Variants in TNC observed in about 807,000 individuals in gnomAD.
TNC encodes the protein tenascin.
TNC carries 109 observed loss-of-function variants against 202.4 expected under a neutral mutation model. The ratio of observed to expected loss-of-function variants is 0.54; its 90% CI spans 0.46 to 0.63. The LOEUF (loss-of-function observed/expected upper bound fraction) is 0.63. TNC is among the 30% of genes least tolerant of loss of function. The pLI is 0.00. For missense variants in TNC, 2,756 were observed against 2,833.3 expected (o/e 0.97, Z 0.62); for synonymous variants, 1,007 against 1,089.7 (o/e 0.92, Z 1.50).
Position 115,086,151 on chromosome 9 carries a change from C to G in TNC, c.1580G>C (p.Cys527Ser), listed in dbSNP as rs746843738. The G allele has an allele frequency of 1.2e-5, 19 of 1,614,108 alleles. No individual in the cohort carries two copies. The Middle Eastern group carries it at 4.9e-4, about 42-fold the overall frequency. Reference protein sequence around the residue: ...VCEDGFTGPDCAELSCPNDCH... With the variant: ...VCEDGFTGPDSAELSCPNDCH... Reference sequence around the variant, plus strand: ...GTCATTTGGACAGGAGAGTTCTGCACAGTCAGGGCCGGTGAAGCCGTCCTC... The same window carrying G: ...GTCATTTGGACAGGAGAGTTCTGCAGAGTCAGGGCCGGTGAAGCCGTCCTC... Residue 527 changes from cysteine to serine, a missense_variant, in exon 3 of 28, where the codon TGT (cysteine) becomes TCT (serine). Cys to Ser is a moderately radical substitution (Grantham distance 112). This residue lies in a region of TNC where 2,559 missense variants were observed against 2,546.0 expected (regional missense o/e 1.01). Transcript: ENST00000350763.
At position 115,095,588 on chromosome 9, in the gene TNC, ATATATATGTATATATATATG is replaced by A. The variant is rs1564139025; in HGVS notation, c.-136-4454_-136-4435del. Reference sequence around the variant, plus strand: ...TATGTATATATATGTATATATATGTATATATATGTATATATATATGTATATATGTATATATATATGTATAT... The same window carrying A: ...TATGTATATATATGTATATATATGTATATATATGTATATATATATGTATAT... On this transcript the variant is annotated intron_variant, in intron 1 of 27. Coordinates refer to ENST00000350763, the MANE Select transcript of TNC (RefSeq NM_002160.4). Among the ~76,000 whole-genome samples the A allele has an allele frequency of 1.1e-3, 4 of 3,644 alleles. 1 individual carries two copies. The highest frequency in any genetic ancestry group is 1.7e-3 in the African/African-American group (4 of 2,388). 2.4% of individuals were successfully genotyped at this position (3,644 alleles called of 152,430 possible). A position where few individuals can be genotyped will look rare whatever the true frequency, so the allele number is the denominator to read the frequency against.
At chr9:115,045,541 A>ATTTTTTTTTTTT (rs61415443) in intron 17 of TNC, among the ~76,000 whole-genome samples, 1 of 110,116 alleles carries the variant, frequency 9.1e-6, no homozygotes. Flanking sequence ...TAAGTTTTTG[A>ATTTTTTTTTTTT]TTTTTTTTTT....
intron 15 of TNC, among the ~76,000 whole-genome samples, chr9:115,055,948 G>GT (rs145688808): frequency 1.3e-5 from 2 of 152,086 alleles, no homozygotes; most frequent in Non-Finnish European, 2.9e-5. Flanking sequence ...TCTCCTCTAA[G>GT]TTTTTTTATA....
At chr9:115,101,701 G>A (rs535065970) in intron 1 of TNC, among the ~76,000 whole-genome samples, 7 of 152,108 alleles carry the variant, frequency 4.6e-5, no homozygotes, top group Non-Finnish European at 8.8e-5. Flanking sequence ...TGGAAAATAG[G>A]CCAAGTAAGG....
At chr9:115,041,660 G>A (rs1830767228) in intron 18 of TNC, among the ~76,000 whole-genome samples, 1 of 152,214 alleles carries the variant, frequency 6.6e-6, no homozygotes, top group Non-Finnish European at 1.5e-5. Flanking sequence ...CCTGTGAAGA[G>A]GTTATTAACC....
intron 1 of TNC, among the ~76,000 whole-genome samples, chr9:115,111,916 ATCAACCCT>A (rs1303395596): frequency 5.9e-5 from 9 of 152,172 alleles, no homozygotes; most frequent in Non-Finnish European, 1.3e-4. Context: ...TAGATGAGAC[ATCAACCCT>A]GTCCAACACA....
chr9:115,033,006 G>A (rs1001679304), intron 22 of TNC, among the ~76,000 whole-genome samples: 1 of 152,162 alleles, frequency 6.6e-6, no homozygotes, highest in Non-Finnish European at 1.5e-5. Flanking sequence ...AGCTTAGTTT[G>A]GGCAGTCATG....
At chr9:115,079,944 A>G (rs551396386) in intron 6 of TNC, among the ~76,000 whole-genome samples, 2 of 152,356 alleles carry the variant, frequency 1.3e-5, no homozygotes, top group East Asian at 3.9e-4. Context: ...AAAAGGTTAA[A>G]GGTTTAAAGG....
chr9:115,114,607 A>C (rs1225455507), intron 1 of TNC, among the ~76,000 whole-genome samples: 1 of 152,214 alleles, frequency 6.6e-6, no homozygotes, highest in Non-Finnish European at 1.5e-5. Flanking sequence ...TGTAAAATCA[A>C]TAGGCACCAA....
intron 19 of TNC, among the ~76,000 whole-genome samples, chr9:115,039,090 A>G (rs1389209052): frequency 6.6e-6 from 1 of 152,168 alleles, no homozygotes; most frequent in Admixed American, 6.5e-5. Context: ...TTGGCCTCCC[A>G]AAGTGCTGGG....
At position 115,078,002 on chromosome 9, in the gene TNC, G is replaced by A; in HGVS notation, c.2615C>T (p.Ser872Phe). 2 of 1,614,216 alleles carry A rather than the reference G, an allele frequency of 1.2e-6. No homozygotes were observed. The highest frequency in any genetic ancestry group is 1.7e-6 in the Non-Finnish European group (2 of 1,180,028). ...NLKPDTEYEV[S>F]LISRRGDMSS... ...CATGTCACCTCTGCGGGAGATGAGG[G>A]ACACCTCGTACTCAGTGTCAGGCTT... is the stretch of plus-strand genomic sequence containing the variant. The change falls in exon 7 of 28, where the codon TCC becomes TTC. Residue 872 changes from serine to phenylalanine, a missense_variant. This residue lies in a region of TNC where 2,559 missense variants were observed against 2,546.0 expected (regional missense o/e 1.01). Coordinates refer to ENST00000350763, the MANE Select transcript of TNC (RefSeq NM_002160.4).
intron 1 of TNC, among the ~76,000 whole-genome samples, chr9:115,101,088 A>G (rs751642358): frequency 3.9e-5 from 6 of 152,190 alleles, no homozygotes; most frequent in Non-Finnish European, 1.5e-5. Flanking sequence ...TCATCCAACT[A>G]TCTACTTTTT....
chr9:115,078,017 G>A lies in TNC; in HGVS notation c.2600C>T (p.Thr867Ile), dbSNP rs779190421. Residue 867 changes from threonine (T) to isoleucine (I), a missense_variant, in exon 7 of 28, where the codon ACT becomes ATT. Transcript: ENST00000350763. The part of the protein sequence containing the change: ...QYSIGNLKPD[T>I]EYEVSLISRR... ...GGAGATGAGGGACACCTCGTACTCAGTGTCAGGCTTCAGGTTCCCGATGGA... is the reference window on the plus strand; with the variant it reads ...GGAGATGAGGGACACCTCGTACTCAATGTCAGGCTTCAGGTTCCCGATGGA... 1.1e-5 allele frequency: 18 copies of A among 1,614,134 alleles called. No homozygotes were observed. The highest frequency in any genetic ancestry group is 2.2e-5 in the East Asian group (1 of 44,900).
chr9:115,033,813 A>G (rs1830122356), intron 22 of TNC, among the ~76,000 whole-genome samples: 2 of 152,230 alleles, frequency 1.3e-5, no homozygotes, highest in Admixed American at 6.5e-5. Flanking sequence ...GGTGTGCCAG[A>G]AACTTGGTAG....
intron 18 of TNC, among the ~76,000 whole-genome samples, chr9:115,041,611 A>T (rs920993878): frequency 6.6e-6 from 1 of 152,234 alleles, no homozygotes; most frequent in Non-Finnish European, 1.5e-5. Context: ...GAACTTGCAC[A>T]TCAGCTGGTC....
rs868118774 is a variant in TNC, at chr9:115,064,060, G to C, written c.3496C>G (p.Pro1166Ala). Residue 1166 changes from proline (P) to alanine (A), a missense_variant, in exon 12 of 28, where the codon CCC (proline) becomes GCC (alanine). Physicochemically the swap from Pro to Ala is conservative, Grantham distance 27. Transcript: ENST00000350763. Reference sequence around the variant, plus strand: ...GCCACCACGACCTCTCCCAAATTGGGAGTTTCCCCTGGAGAAGGACAAAGA... The same window carrying C: ...GCCACCACGACCTCTCCCAAATTGGCAGTTTCCCCTGGAGAAGGACAAAGA... ...LSAEASTGETPNLGEVVVAEV... is the reference protein window; with the variant it reads ...LSAEASTGETANLGEVVVAEV... The C allele has an allele frequency of 6.2e-7, 1 of 1,605,506 alleles. No homozygotes were observed.
chr9:115,070,794 A>C (rs192956557), intron 10 of TNC, among the ~76,000 whole-genome samples: 33 of 152,356 alleles, frequency 2.2e-4, no homozygotes, highest in Admixed American at 1.6e-3. Context: ...TTCAGGACTT[A>C]TAGCCACATG....
intron 13 of TNC, among the ~76,000 whole-genome samples, chr9:115,062,517 G>A (rs1188070856): frequency 6.6e-6 from 1 of 151,654 alleles, no homozygotes; most frequent in Admixed American, 6.6e-5. Context: ...GCTGAGGCAG[G>A]AGAATCACTT....
rs188342631 is a variant in TNC, at chr9:115,090,691, C to T, written c.328G>A (p.Ala110Thr). 1.2e-6 allele frequency: 2 copies of T among 1,614,162 alleles called. No homozygotes were observed. The highest frequency in any genetic ancestry group is 1.1e-5 in the South Asian group (1 of 91,084). The change falls in exon 2 of 28, where the codon GCC (alanine) becomes ACC (threonine). Residue 110 changes from alanine to threonine, a missense_variant. Transcript: ENST00000350763. ...FTHRINIPRR[A>T]CGCAAAPDVK... ...TCAGGGGCTGCGGCACAGCCACAGGCCCGGCGGGGGATGTTGATGCGATGT... is the reference window on the plus strand; with the variant it reads ...TCAGGGGCTGCGGCACAGCCACAGGTCCGGCGGGGGATGTTGATGCGATGT...
Sources: gnomAD v4.1 joint callset for allele counts (sites outside exome capture counted in the v4.1 genomes callset) on GRCh38, gnomAD v4.1.1 for gene constraint, gnomAD v4.1.1 regional missense constraint, MANE v1.5 for transcripts, NCBI Gene and HGNC (gene_info 2026-07-23, HGNC 2026-07-21) for gene names.